Variants in LARGE1 observed in about 807,000 individuals in gnomAD.
LARGE1 encodes LARGE xylosyl- and glucuronyltransferase 1, also known as xylosyl- and glucuronyltransferase LARGE1.
LARGE1 carries 43 observed loss-of-function variants against 87.6 expected under a neutral mutation model. The observed-to-expected ratio is 0.49, with a 90% CI of 0.38 to 0.63. The LOEUF (loss-of-function observed/expected upper bound fraction) is 0.63, where lower values mean the gene tolerates loss of function less well. LARGE1 is among the 30% of genes least tolerant of loss of function. The pLI, the probability that LARGE1 is intolerant of heterozygous loss-of-function variation, is 0.00. For synonymous variants in LARGE1, 434 were observed against 394.6 expected (o/e 1.10, Z -1.18); for missense variants, 802 against 1,000.2 (o/e 0.80, Z 2.67).
chr22:33,210,838 C>T (rs562634979), intron 11 of LARGE1, among the ~76,000 whole-genome samples: 4 of 152,370 alleles, frequency 2.6e-5, no homozygotes, highest in South Asian at 2.1e-4. Flanking sequence ...GATGCCTCTG[C>T]GGCTCCCCCA....
chr22:33,839,807 G>A (rs2063221001), intron 1 of LARGE1, among the ~76,000 whole-genome samples: 1 of 152,178 alleles, frequency 6.6e-6, no homozygotes, highest in Non-Finnish European at 1.5e-5. Flanking sequence ...CAGGTATGAG[G>A]CACTTTGACT....
intron 6 of LARGE1, among the ~76,000 whole-genome samples, chr22:33,489,788 A>T (rs763530835): frequency 2.6e-5 from 4 of 152,158 alleles, no homozygotes; most frequent in Non-Finnish European, 4.4e-5. Context: ...AACAAAACAA[A>T]GCCCTGGCTT....
chr22:33,252,707 T>G, intron 11 of LARGE1, among the ~76,000 whole-genome samples: 1 of 152,366 alleles, frequency 6.6e-6, no homozygotes, highest in African/African-American at 2.4e-5. Flanking sequence ...TACAACTTTG[T>G]CAGCCTCTGC....
chr22:33,630,866 T>A (rs1257838637), intron 3 of LARGE1, among the ~76,000 whole-genome samples: 2 of 152,132 alleles, frequency 1.3e-5, no homozygotes, highest in Admixed American at 1.3e-4. Flanking sequence ...CTCTTTTTTT[T>A]TTTTGAGACG....
At chr22:33,465,677 G>A (rs1341345255) in intron 6 of LARGE1, among the ~76,000 whole-genome samples, 2 of 152,134 alleles carry the variant, frequency 1.3e-5, no homozygotes, top group African/African-American at 4.8e-5. Context: ...AGCCAGCGAG[G>A]GAAGGAACTG....
At chr22:33,794,840 G>C (rs933014855) in intron 1 of LARGE1, among the ~76,000 whole-genome samples, 2 of 152,078 alleles carry the variant, frequency 1.3e-5, no homozygotes, top group Admixed American at 1.3e-4. Flanking sequence ...GGCTGATCTT[G>C]AACTCCTGAT....
At chr22:33,892,205 G>A (rs1299480422) in intron 1 of LARGE1, among the ~76,000 whole-genome samples, 2 of 152,114 alleles carry the variant, frequency 1.3e-5, no homozygotes, top group African/African-American at 2.4e-5. Context: ...TTGAGGCAAC[G>A]ATCACTTATT....
At chr22:33,096,965 T>A in the LARGE1 span, among the ~76,000 whole-genome samples, 1 of 152,362 alleles carries the variant, frequency 6.6e-6, no homozygotes, top group African/African-American at 2.4e-5. Context: ...AGTTTTAATC[T>A]GGGCAAGACT....
chr22:33,102,917 A>G, the LARGE1 span, among the ~76,000 whole-genome samples: 1 of 152,124 alleles, frequency 6.6e-6, no homozygotes, highest in Admixed American at 6.5e-5. Context: ...CTGGATAACA[A>G]GGGAGAGTCA....
chr22:33,700,856 T>C (rs4141438), intron 2 of LARGE1, among the ~76,000 whole-genome samples: 2 of 152,194 alleles, frequency 1.3e-5, no homozygotes, highest in South Asian at 4.2e-4. Context: ...CTTTTAAGCT[T>C]GTAGGAAAGG....
chr22:33,246,034 G>C (rs1192443809), intron 11 of LARGE1, among the ~76,000 whole-genome samples: 1 of 152,172 alleles, frequency 6.6e-6, no homozygotes, highest in Non-Finnish European at 1.5e-5. Flanking sequence ...TGCTGCTCAA[G>C]GAACTGTCAA....
At chr22:33,873,932 A>G (rs1423771709) in intron 1 of LARGE1, among the ~76,000 whole-genome samples, 1 of 146,628 alleles carries the variant, frequency 6.8e-6, no homozygotes, top group Non-Finnish European at 1.5e-5. Flanking sequence ...TCACCTCCCA[A>G]CCCTGATATT....
intron 6 of LARGE1, among the ~76,000 whole-genome samples, chr22:33,558,216 G>C (rs1047208531): frequency 6.6e-6 from 1 of 152,176 alleles, no homozygotes; most frequent in Non-Finnish European, 1.5e-5. Flanking sequence ...CTTTAATCAG[G>C]AAAATCTGAC....
intron 11 of LARGE1, among the ~76,000 whole-genome samples, chr22:33,174,491 G>C (rs927199019): frequency 1.3e-5 from 2 of 152,120 alleles, no homozygotes; most frequent in Non-Finnish European, 2.9e-5. Flanking sequence ...ATTAAGATCA[G>C]AGCAGAACCA....
the LARGE1 span, among the ~76,000 whole-genome samples, chr22:33,155,030 G>A: frequency 6.6e-6 from 1 of 152,154 alleles, no homozygotes; most frequent in Admixed American, 6.5e-5. Flanking sequence ...CCATGATTGT[G>A]AGGCCTCCCC....
intron 7 of LARGE1, among the ~76,000 whole-genome samples, chr22:33,396,161 C>T (rs1601695270): frequency 6.6e-6 from 1 of 152,338 alleles, no homozygotes; most frequent in African/African-American, 2.4e-5. Flanking sequence ...CGCAGCTGCT[C>T]AGCAGGAGGC....
intron 6 of LARGE1, among the ~76,000 whole-genome samples, chr22:33,466,592 C>A (rs1371659670): frequency 2.0e-5 from 3 of 151,756 alleles, no homozygotes; most frequent in African/African-American, 7.3e-5. Context: ...TCTAATACCC[C>A]TACATAAATC....
At chr22:33,570,632 G>A (rs1376953847) in intron 5 of LARGE1, among the ~76,000 whole-genome samples, 1 of 130,014 alleles carries the variant, frequency 7.7e-6, no homozygotes, top group Non-Finnish European at 1.6e-5. Context: ...TGGCAATGGA[G>A]CGAGACTCCA....
chr22:33,089,274 C>T, the LARGE1 span, among the ~76,000 whole-genome samples: 1 of 148,136 alleles, frequency 6.8e-6, no homozygotes, highest in South Asian at 2.1e-4. Flanking sequence ...TCTTCTTCTT[C>T]TTCTTGTTCT....
Sources: allele counts gnomAD v4.1 joint callset (sites outside exome capture counted in the v4.1 genomes callset), GRCh38; gene constraint gnomAD v4.1.1; transcripts MANE v1.5; gene names NCBI Gene and HGNC (gene_info 2026-07-23, HGNC 2026-07-21).